Variants in SEMA3A observed in about 807,000 individuals in gnomAD.
SEMA3A encodes semaphorin-3A.
SEMA3A carries 29 observed loss-of-function variants against 97.9 expected under a neutral mutation model. That is an observed-to-expected ratio of 0.30 (90% CI 0.22 to 0.40). The LOEUF is 0.40. Among genes scored for constraint, SEMA3A ranks in the 10% least tolerant of loss-of-function variants. SEMA3A has a pLI of 1.00. For synonymous variants in SEMA3A, 321 were observed against 323.7 expected (o/e 0.99, Z 0.09); for missense variants, 763 against 951.3 (o/e 0.80, Z 2.60).
chr7:84,165,433 C>T (rs1797171863), intron 1 of SEMA3A, among the ~76,000 whole-genome samples: 1 of 151,754 alleles, frequency 6.6e-6, no homozygotes, highest in Non-Finnish European at 1.5e-5. Context: ...AGTTAAAAAG[C>T]AAAGATTTAT....
chr7:84,473,747 C>A (rs1025102234), intron 1 of SEMA3A, among the ~76,000 whole-genome samples: 1 of 152,048 alleles, frequency 6.6e-6, no homozygotes, highest in Non-Finnish European at 1.5e-5. Context: ...TCAGACTGCA[C>A]AGAAACTAAC....
At chr7:84,355,137 A>T in intron 2 of SEMA3A, among the ~76,000 whole-genome samples, 1 of 151,822 alleles carries the variant, frequency 6.6e-6, no homozygotes, top group Non-Finnish European at 1.5e-5. Flanking sequence ...TTGACCAGAA[A>T]CCAAGTCTCT....
At chr7:84,315,587 A>C (rs1409698132) in intron 2 of SEMA3A, among the ~76,000 whole-genome samples, 1 of 152,158 alleles carries the variant, frequency 6.6e-6, no homozygotes, top group African/African-American at 2.4e-5. Context: ...CTCAGATTTC[A>C]TCCTCTCTTA....
chr7:84,294,038 A>G (rs189551305), intron 3 of SEMA3A, among the ~76,000 whole-genome samples: 99 of 152,218 alleles, frequency 6.5e-4, no homozygotes, highest in African/African-American at 2.1e-3. Flanking sequence ...AACACTTTCA[A>G]TCAAGGTAAA....
chr7:84,000,809 A>G (rs1035198233), intron 12 of SEMA3A, among the ~76,000 whole-genome samples: 1 of 152,286 alleles, frequency 6.6e-6, no homozygotes, highest in African/African-American at 2.4e-5. Flanking sequence ...AGCTTTCCAT[A>G]TTATACCTCA....
At chr7:84,412,136 G>T (rs1452325209) in intron 1 of SEMA3A, among the ~76,000 whole-genome samples, 1 of 152,108 alleles carries the variant, frequency 6.6e-6, no homozygotes, top group Non-Finnish European at 1.5e-5. Context: ...GCAAAGTGGT[G>T]GTTTGAAAAG....
At chr7:84,401,807 T>C (rs991107940) in intron 1 of SEMA3A, among the ~76,000 whole-genome samples, 1 of 152,176 alleles carries the variant, frequency 6.6e-6, no homozygotes, top group South Asian at 2.1e-4. Flanking sequence ...GATATCCATA[T>C]GCAGACAAAT....
intron 1 of SEMA3A, among the ~76,000 whole-genome samples, chr7:84,187,356 T>C (rs1489681673): frequency 6.6e-6 from 1 of 152,182 alleles, no homozygotes; most frequent in Non-Finnish European, 1.5e-5. Context: ...TTTCTGGCTG[T>C]ATATACTGTG....
At chr7:84,462,414 A>C (rs527542553) in intron 1 of SEMA3A, among the ~76,000 whole-genome samples, 1 of 152,324 alleles carries the variant, frequency 6.6e-6, no homozygotes, top group East Asian at 1.9e-4. Context: ...ATTTTATGTA[A>C]AGAAGCCAAC....
At chr7:84,459,071 C>T (rs1418376329) in intron 1 of SEMA3A, among the ~76,000 whole-genome samples, 1 of 152,018 alleles carries the variant, frequency 6.6e-6, no homozygotes, top group African/African-American at 2.4e-5. Context: ...CCAGCTCCTG[C>T]TTTTTAATTT....
At chr7:84,477,025 A>G (rs1248090978) in intron 1 of SEMA3A, among the ~76,000 whole-genome samples, 1 of 150,712 alleles carries the variant, frequency 6.6e-6, no homozygotes, top group African/African-American at 2.4e-5. Context: ...TCTGTAGAGT[A>G]AAAAGCAGTA....
Position 83,957,662 on chromosome 7 carries a change from TTAAC to T in SEMA3A, c.*3705_*3708del, listed in dbSNP as rs1788322611. The T allele has an allele frequency of 6.6e-6, 1 of 152,144 alleles. No individual in the cohort carries two copies. The highest frequency in any genetic ancestry group is 2.4e-5 in the African/African-American group (1 of 41,446). 9.4% of individuals were successfully genotyped at this position (152,144 alleles called of 1,614,324 possible). A position where few individuals can be genotyped will look rare whatever the true frequency, so the allele number is the denominator to read the frequency against. ...AACTTGAAAAATTATGTTCATTTAA[TTAAC>T]TAGTTTAAGAAAATTTTTAGAGATC... On this transcript the variant is annotated 3_prime_UTR_variant, in exon 17 of 17. Transcript: ENST00000265362.
chr7:84,346,508 T>C (rs1413290413), intron 2 of SEMA3A, among the ~76,000 whole-genome samples: 1 of 152,150 alleles, frequency 6.6e-6, no homozygotes, highest in Non-Finnish European at 1.5e-5. Context: ...TTAGAGGCCA[T>C]CGTCAGGCTA....
At chr7:84,431,636 A>T (rs1804984095) in intron 1 of SEMA3A, among the ~76,000 whole-genome samples, 1 of 151,886 alleles carries the variant, frequency 6.6e-6, no homozygotes, top group African/African-American at 2.4e-5. Flanking sequence ...TTTTTTTAAC[A>T]AGGCTACCTA....
At chr7:84,411,106 G>T (rs1051375270) in intron 1 of SEMA3A, among the ~76,000 whole-genome samples, 1 of 151,936 alleles carries the variant, frequency 6.6e-6, no homozygotes, top group African/African-American at 2.4e-5. Context: ...TGAGACAGAG[G>T]GAGAGAAAAT....
At chr7:84,260,790 C>T (rs1051245658) in intron 3 of SEMA3A, among the ~76,000 whole-genome samples, 6 of 152,212 alleles carry the variant, frequency 3.9e-5, no homozygotes, top group South Asian at 2.1e-4. Flanking sequence ...ACAGCCTGTG[C>T]GTCATGGATG....
intron 14 of SEMA3A, among the ~76,000 whole-genome samples, chr7:83,977,788 C>CTTTTTTTTTTTTTTTT (rs139682272): frequency 1.4e-5 from 2 of 141,072 alleles, no homozygotes; most frequent in Admixed American, 7.1e-5. Context: ...TCAACCTATC[C>CTTTTTTTTTTTTTTTT]TTTTTTTTTT....
chr7:84,285,040 C>CTTGTACTCT (rs1800543996), intron 3 of SEMA3A, among the ~76,000 whole-genome samples: 1 of 152,120 alleles, frequency 6.6e-6, no homozygotes, highest in Admixed American at 6.6e-5. Context: ...CTCCACTTCT[C>CTTGTACTCT]TTGTACTCTT....
At chr7:84,054,522 A>G (rs1056319960) in intron 5 of SEMA3A, among the ~76,000 whole-genome samples, 1 of 151,568 alleles carries the variant, frequency 6.6e-6, no homozygotes, top group Non-Finnish European at 1.5e-5. Context: ...TGCATTCTTC[A>G]TGTAGTTCTC....
Sources: gnomAD v4.1 joint callset for allele counts (sites outside exome capture counted in the v4.1 genomes callset) on GRCh38, gnomAD v4.1.1 for gene constraint, MANE v1.5 for transcripts, NCBI Gene and HGNC (gene_info 2026-07-23, HGNC 2026-07-21) for gene names.